IQSEC2: variants seen among roughly 807,000 people sequenced by gnomAD.
IQSEC2 encodes the protein IQ motif and SEC7 domain-containing protein 2.
IQSEC2 carries 6 observed loss-of-function variants against 74.6 expected under a neutral mutation model. The observed-to-expected ratio is 0.08, with a 90% confidence interval of 0.04 to 0.16. The LOEUF (loss-of-function observed/expected upper bound fraction) is 0.16, where lower values mean the gene tolerates loss of function less well. Among genes scored for constraint, IQSEC2 ranks in the 10% least tolerant of loss-of-function variants. The probability of loss-of-function intolerance (pLI) is 1.00; values close to 1 mark genes in which losing one functional copy is unlikely to be tolerated. For missense variants in IQSEC2, 734 were observed against 1,306.2 expected (o/e 0.56, Z 6.75); for synonymous variants, 494 against 544.5 (o/e 0.91, Z 1.29).
chrX:53,282,535 C>T (rs781801853), intron 2 of IQSEC2, among the ~76,000 whole-genome samples: 39 of 112,979 alleles, frequency 3.5e-4, no homozygotes, highest in African/African-American at 1.2e-3. Context: ...GAGCAGAAGG[C>T]GGCCCTGGGA....
intron 1 of IQSEC2, among the ~76,000 whole-genome samples, chrX:53,315,751 C>T (rs1428776749): frequency 1.8e-5 from 2 of 112,260 alleles, no homozygotes; most frequent in Admixed American, 9.4e-5. Context: ...TAGCGTGGGG[C>T]CTGGCAGAAG....
chrX:53,280,672 G>C (rs2074942080), intron 2 of IQSEC2, among the ~76,000 whole-genome samples: 1 of 111,149 alleles, frequency 9.0e-6, no homozygotes, highest in East Asian at 2.9e-4. Flanking sequence ...ACCACCCCTA[G>C]TGCAGGGTCC....
At chrX:53,311,121 C>A (rs868939429) in intron 1 of IQSEC2, among the ~76,000 whole-genome samples, 16 of 21,548 alleles carry the variant, frequency 7.4e-4, no homozygotes, top group African/African-American at 1.2e-3. Context: ...GACTCCATCT[C>A]AAAAAAAAAA....
At chrX:53,273,352 T>C in intron 2 of IQSEC2, among the ~76,000 whole-genome samples, 1 of 111,034 alleles carries the variant, frequency 9.0e-6, no homozygotes, top group Non-Finnish European at 1.9e-5. Flanking sequence ...TATGTGCCTT[T>C]CTCCCTTCTA....
intron 2 of IQSEC2, among the ~76,000 whole-genome samples, chrX:53,290,066 T>A (rs1422547936): frequency 1.8e-5 from 2 of 111,777 alleles, no homozygotes; most frequent in East Asian, 5.6e-4. Context: ...GTGGTGATGG[T>A]ATGGGTAGCA....
chrX:53,238,782 G>A (rs2074173838), intron 11 of IQSEC2, among the ~76,000 whole-genome samples: 1 of 108,963 alleles, frequency 9.2e-6, no homozygotes, highest in Non-Finnish European at 1.9e-5. Context: ...CCTGGTAGCT[G>A]TGGCCCTCTT....
At chrX:53,237,974 A>G (rs1279721073) in intron 12 of IQSEC2, 171 bp downstream of exon 12, 1 of 528,020 alleles carries the variant, frequency 1.9e-6, no homozygotes, top group African/African-American at 2.3e-5. Flanking sequence ...GGAGGTAATG[A>G]GCCCCTTGTC....
chrX:53,292,086 G>A (rs1363781461), intron 1 of IQSEC2, among the ~76,000 whole-genome samples, 162 bp from the exon 2 acceptor site: 12 of 112,230 alleles, frequency 1.1e-4, no homozygotes, highest in Admixed American at 1.0e-3. Flanking sequence ...GCAAGTGCAA[G>A]GCCGAGAGAC....
intron 2 of IQSEC2, among the ~76,000 whole-genome samples, chrX:53,263,071 T>C (rs1024657665): frequency 8.9e-6 from 1 of 112,262 alleles, no homozygotes; most frequent in Non-Finnish European, 1.9e-5. Context: ...CCAGGCACTA[T>C]AAGCAGTCCC....
intron 2 of IQSEC2, chrX:53,266,230 C>T (rs1417485961): frequency 3.7e-5 from 11 of 299,694 alleles, no homozygotes; most frequent in African/African-American, 5.8e-5. Context: ...CTCTCTTTCC[C>T]GGCCCCTATT....
chrX:53,292,782 CGTGT>C (rs782407726), intron 1 of IQSEC2, among the ~76,000 whole-genome samples: 11 of 111,424 alleles, frequency 9.9e-5, no homozygotes, highest in Non-Finnish European at 2.1e-4. Context: ...CGTGTGTACA[CGTGT>C]GTGTATGTGC....
intron 2 of IQSEC2, chrX:53,281,378 G>T: frequency 2.4e-6 from 1 of 423,973 alleles, no homozygotes. Context: ...GCCTCTCAGA[G>T]TCCAAGAAGG....
chrX:53,315,938 A>G (rs2075366014), intron 1 of IQSEC2, among the ~76,000 whole-genome samples: 1 of 111,531 alleles, frequency 9.0e-6, no homozygotes, highest in African/African-American at 3.3e-5. Flanking sequence ...GACCACTCAC[A>G]TTCCTTCCAT....
intron 1 of IQSEC2, among the ~76,000 whole-genome samples, chrX:53,316,265 C>T (rs1434789562): frequency 9.0e-6 from 1 of 111,692 alleles, no homozygotes; most frequent in Non-Finnish European, 1.9e-5. Context: ...GACTCTCATT[C>T]TCATTAAATT....
chrX:53,307,096 G>A (rs1207887042), intron 1 of IQSEC2, among the ~76,000 whole-genome samples: 1 of 109,638 alleles, frequency 9.1e-6, no homozygotes, highest in African/African-American at 3.3e-5. Context: ...TATCTAGGAT[G>A]AGTCAAGACA....
At chrX:53,254,031 T>C (rs2074428524) in intron 4 of IQSEC2, among the ~76,000 whole-genome samples, 1 of 112,262 alleles carries the variant, frequency 8.9e-6, no homozygotes, top group Non-Finnish European at 1.9e-5. Context: ...ACTTGCTTGT[T>C]TTAACAATGT....
chrX:53,273,003 G>A (rs2074767051), intron 2 of IQSEC2, among the ~76,000 whole-genome samples: 2 of 111,269 alleles, frequency 1.8e-5, no homozygotes, highest in African/African-American at 6.5e-5. Context: ...GAGGTAAGTT[G>A]GCATTAGCCG....
intron 2 of IQSEC2, among the ~76,000 whole-genome samples, chrX:53,262,105 T>C (rs1556866666): frequency 8.9e-6 from 1 of 112,288 alleles, no homozygotes; most frequent in Non-Finnish European, 1.9e-5. Flanking sequence ...CCGGAAGGCT[T>C]CCTGGGGGAG....
chrX:53,288,608 C>T (rs1569326441), intron 2 of IQSEC2, among the ~76,000 whole-genome samples: 1 of 112,115 alleles, frequency 8.9e-6, no homozygotes, highest in South Asian at 3.7e-4. Flanking sequence ...TTCTTCCAGC[C>T]TGACTATATA....
Sources: gnomAD v4.1 joint callset for allele counts (sites outside exome capture counted in the v4.1 genomes callset) on GRCh38, gnomAD v4.1.1 for gene constraint, MANE v1.5 for transcripts, NCBI Gene and HGNC (gene_info 2026-07-23, HGNC 2026-07-21) for gene names.